Variants in ZNF609 observed in about 807,000 individuals in gnomAD.
ZNF609 encodes the protein zinc finger protein 609.
In ZNF609, 11 loss-of-function variants were observed where a neutral mutation model predicts 109.5. That is an observed-to-expected ratio of 0.10 (90% CI 0.06 to 0.17). The LOEUF is 0.17. Among genes scored for constraint, ZNF609 ranks in the 10% least tolerant of loss-of-function variants. The pLI is 1.00. For synonymous variants in ZNF609, 646 were observed against 662.0 expected (o/e 0.98, Z 0.37); for missense variants, 1,559 against 1,772.4 (o/e 0.88, Z 2.16).
At chr15:64,600,153 A>G (rs975558937) in intron 2 of ZNF609, among the ~76,000 whole-genome samples, 1 of 152,112 alleles carries the variant, frequency 6.6e-6, no homozygotes, top group African/African-American at 2.4e-5. Context: ...CCCCATCTCT[A>G]AAAAATAGAA....
Position 64,500,012 on chromosome 15 carries a change from A to G in ZNF609, c.593A>G (p.Tyr198Cys), listed in dbSNP as rs1161228455. ...CCCTTGGGAGGACGGGGTGGTCAGTATGATGGAAGTGCAGGGGTGGATACA... is the reference window on the plus strand; with the variant it reads ...CCCTTGGGAGGACGGGGTGGTCAGTGTGATGGAAGTGCAGGGGTGGATACA... Reference protein sequence around the residue: ...PVPLGGRGGQYDGSAGVDTGA... With the variant: ...PVPLGGRGGQCDGSAGVDTGA... The change falls in exon 2 of 10, where the codon TAT (tyrosine) becomes TGT (cysteine). Residue 198 changes from tyrosine to cysteine, a missense_variant. By Grantham distance (194) the Tyr-to-Cys change is radical. Around this residue, in one of 4 missense-constraint regions of ZNF609, gnomAD observed 291 missense variants for 317.8 expected, o/e 0.92. Coordinates refer to ENST00000326648, the MANE Select transcript of ZNF609 (RefSeq NM_015042.2). 1.2e-6 allele frequency: 2 copies of G among 1,614,106 alleles called. No homozygotes were observed. Among genetic ancestry groups the G allele is most frequent in the Non-Finnish European group, 1.7e-6 (2 of 1,180,014 alleles).
intron 3 of ZNF609, among the ~76,000 whole-genome samples, chr15:64,665,990 G>A (rs1012722287): frequency 3.3e-5 from 5 of 151,188 alleles, no homozygotes; most frequent in African/African-American, 1.2e-4. Flanking sequence ...CAGGAGAATC[G>A]CTTGAACCCA....
intron 1 of ZNF609, among the ~76,000 whole-genome samples, chr15:64,479,671 C>T (rs569679202): frequency 2.9e-4 from 44 of 152,048 alleles, no homozygotes; most frequent in African/African-American, 6.3e-4. Context: ...GTAATCCCAG[C>T]GCTTTGGGAA....
chr15:64,590,455 G>A (rs1276638977), intron 2 of ZNF609, among the ~76,000 whole-genome samples: 2 of 151,800 alleles, frequency 1.3e-5, no homozygotes, highest in African/African-American at 2.4e-5. Context: ...CTGAGTAGCT[G>A]GGATTAAAGG....
chr15:64,483,104 T>C lies in ZNF609; in HGVS notation c.-127-16189T>C, dbSNP rs540603101. Among the ~76,000 whole-genome samples, 5 of 152,282 alleles carry C rather than the reference T, an allele frequency of 3.3e-5. No individual in the cohort carries two copies. The East Asian group carries it at 7.7e-4, about 23-fold the overall frequency. ...TTTCAGTTTTTTCTTTCTTTTTTTTTTTCCCCCTGAGATGGAGTTTCACTC... is the reference window on the plus strand; with the variant it reads ...TTTCAGTTTTTTCTTTCTTTTTTTTCTTCCCCCTGAGATGGAGTTTCACTC... On this transcript the variant is annotated intron_variant, in intron 1 of 9. Transcript: ENST00000326648.
At chr15:64,517,387 A>G (rs1893829455) in intron 2 of ZNF609, among the ~76,000 whole-genome samples, 1 of 152,142 alleles carries the variant, frequency 6.6e-6, no homozygotes, top group Non-Finnish European at 1.5e-5. Flanking sequence ...AAACAAAACA[A>G]AACAAAATTC....
At chr15:64,510,141 T>C (rs184244267) in intron 2 of ZNF609, among the ~76,000 whole-genome samples, 27 of 151,904 alleles carry the variant, frequency 1.8e-4, no homozygotes, top group Admixed American at 1.6e-3. Context: ...AATATTTTGA[T>C]AGAAAGAAAA....
At chr15:64,460,015 G>A (rs749588861), upstream of ZNF609, among the ~76,000 whole-genome samples, 73 of 152,176 alleles carry the variant, frequency 4.8e-4, no homozygotes, top group Non-Finnish European at 1.6e-4. Flanking sequence ...AGAAATGGGT[G>A]CTTTGGGGAG....
At chr15:64,481,474 C>T (rs1209691011) in intron 1 of ZNF609, among the ~76,000 whole-genome samples, 1 of 151,922 alleles carries the variant, frequency 6.6e-6, no homozygotes, top group Non-Finnish European at 1.5e-5. Context: ...GCATGTGACA[C>T]CACGCCTAGC....
chr15:64,512,932 T>G (rs552458928), intron 2 of ZNF609, among the ~76,000 whole-genome samples: 1 of 152,272 alleles, frequency 6.6e-6, no homozygotes, highest in Admixed American at 6.5e-5. Context: ...CTCATCCAGG[T>G]AATAAGCAAG....
intron 1 of ZNF609, among the ~76,000 whole-genome samples, chr15:64,461,551 G>T (rs1342041891): frequency 6.6e-6 from 1 of 152,094 alleles, no homozygotes; most frequent in African/African-American, 2.4e-5. Context: ...TCCTCCCTCT[G>T]GGGTTGAGGA....
chr15:64,674,991 G>A lies in ZNF609; in HGVS notation c.2137G>A (p.Glu713Lys). 6.2e-7 allele frequency: 1 copy of A among 1,614,026 alleles called. No homozygotes were observed. The highest frequency in any genetic ancestry group is 8.5e-7 in the Non-Finnish European group (1 of 1,180,024). The change falls in exon 5 of 10, where the codon GAA becomes AAA. Residue 713 changes from glutamate to lysine, a missense_variant. Glu to Lys is a moderately conservative substitution (Grantham distance 56, BLOSUM62 1). This residue lies in a region of ZNF609 where 1,204 missense variants were observed against 1,314.1 expected (regional missense o/e 0.92). Transcript: ENST00000326648. ...TCAGCCCAAGCCCACTGTTATGGGA[G>A]AACCTTTCACAGTCAACCCTGCCTT... is the stretch of plus-strand genomic sequence containing the variant. ...PIQPKPTVMG[E>K]PFTVNPALTP... is the part of the protein sequence containing the mutation.
At chr15:64,640,230 A>C (rs1041695336) in intron 3 of ZNF609, among the ~76,000 whole-genome samples, 1 of 151,942 alleles carries the variant, frequency 6.6e-6, no homozygotes, top group African/African-American at 2.4e-5. Flanking sequence ...GTAGAGCTGA[A>C]ATCTCACTTT....
At chr15:64,522,595 T>G (rs1305479373) in intron 2 of ZNF609, among the ~76,000 whole-genome samples, 1 of 152,242 alleles carries the variant, frequency 6.6e-6, no homozygotes, top group Non-Finnish European at 1.5e-5. Flanking sequence ...GTCTGGGTGT[T>G]TGTTTTTTTT....
rs145316903 is a variant in ZNF609, at chr15:64,598,386, G to A, written c.748-24441G>A. ...CTGCTTCAACCTCCAAAAGTGCTGG[G>A]ACTACAGGCATGAGACACCACATCC... On this transcript the variant is annotated intron_variant, in intron 2 of 9. Transcript: ENST00000326648. Among the ~76,000 whole-genome samples, 631 of 152,244 alleles carry A rather than the reference G, an allele frequency of 4.1e-3. 4 individuals are homozygous for A. The highest frequency in any genetic ancestry group is 0.014 in the African/African-American group (601 of 41,540).
Position 64,678,306 on chromosome 15 carries a change from A to G in ZNF609, c.3593A>G (p.Glu1198Gly). ...SSDCKLPTSE[E>G]SRLGSKEPRP... ...GACTGCAAGCTGCCCACGTCAGAGGAGTCTCGCCTTGGGAGCAAGGAGCCC... is the reference window on the plus strand; with the variant it reads ...GACTGCAAGCTGCCCACGTCAGAGGGGTCTCGCCTTGGGAGCAAGGAGCCC... Residue 1198 changes from glutamate to glycine, a missense_variant, in exon 6 of 10, where the codon GAG (glutamate) becomes GGG (glycine). By Grantham distance (98) the Glu-to-Gly change is moderately conservative. Coordinates refer to ENST00000326648, the MANE Select transcript of ZNF609 (RefSeq NM_015042.2). 6.2e-7 allele frequency: 1 copy of G among 1,614,136 alleles called. No homozygotes were observed. The highest frequency in any genetic ancestry group is 8.5e-7 in the Non-Finnish European group (1 of 1,180,022).
At chr15:64,665,631 C>T (rs753575306) in intron 3 of ZNF609, among the ~76,000 whole-genome samples, 3 of 152,114 alleles carry the variant, frequency 2.0e-5, no homozygotes, top group Non-Finnish European at 4.4e-5. Flanking sequence ...ACAAATGGGC[C>T]GGGCCCGGTG....
In ZNF609 at chr15:64,595,001, CAAAAAAA is replaced by C. The variant is rs545783193; in HGVS notation, c.748-27817_748-27811del. ...TGGGCAACAGAGCGAGGCTCCGTCT[CAAAAAAA>C]AAAAAAAAGAAAAAAGAAAAGAATG... On this transcript the variant is annotated intron_variant, in intron 2 of 9. Coordinates refer to ENST00000326648, the MANE Select transcript of ZNF609 (RefSeq NM_015042.2). 7.0e-4 allele frequency among the ~76,000 whole-genome samples: 47 copies of C among 66,970 alleles called. 1 individual carries two copies. Among genetic ancestry groups the C allele is most frequent in the East Asian group, 4.3e-4 (1 of 2,308 alleles). The allele number at this position is 66,970 out of a possible 152,430, so 43.9% of individuals were successfully genotyped here. A position where few individuals can be genotyped will look rare whatever the true frequency, so the allele number is the denominator to read the frequency against.
At chr15:64,665,182 C>A (rs2141007343) in intron 3 of ZNF609, among the ~76,000 whole-genome samples, 1 of 152,268 alleles carries the variant, frequency 6.6e-6, no homozygotes, top group South Asian at 2.1e-4. Flanking sequence ...CTATCCTTTT[C>A]CCCTCTGGAT....
Sources: allele counts gnomAD v4.1 joint callset (sites outside exome capture counted in the v4.1 genomes callset), GRCh38; gene constraint gnomAD v4.1.1; regional missense constraint gnomAD v4.1.1; transcripts MANE v1.5; gene names NCBI Gene and HGNC (gene_info 2026-07-23, HGNC 2026-07-21).